Variants in CXCL13 observed in about 807,000 individuals in gnomAD.
CXCL13 encodes the protein C-X-C motif chemokine 13.
A neutral mutation model predicts 12.2 loss-of-function variants in CXCL13; 7 were observed. That is an observed-to-expected ratio of 0.57 (90% CI 0.33 to 1.07). The LOEUF is 1.07. CXCL13 is among the 50% of genes least tolerant of loss of function. The pLI is 0.04. For synonymous variants in CXCL13, 47 were observed against 42.4 expected, an observed-to-expected ratio of 1.11 and a Z score of -0.42; for missense variants, 113 against 127.4, an observed-to-expected ratio of 0.89 and a Z score of 0.55.
upstream of CXCL13, among the ~76,000 whole-genome samples, chr4:77,601,440 T>C (rs1175639227): frequency 6.6e-6 from 1 of 152,162 alleles, no homozygotes; most frequent in African/African-American, 2.4e-5. Context: ...AAACACCCCC[T>C]GTGTAAAACT....
Position 77,582,115 on chromosome 4 carries a change from C to T in CXCL13, c.-42-23709C>T, listed in dbSNP as rs765713286. Among the ~76,000 whole-genome samples, 103 of 152,210 alleles carry T rather than the reference C, an allele frequency of 6.8e-4. 1 individual carries two copies. Among genetic ancestry groups the T allele is most frequent in the Non-Finnish European group, 8.2e-4 (56 of 68,014 alleles). ...CTCCTAATATAAAAATTTAAAAAGT[C>T]GGTGGAAAGTGGATTTTCTCTTGTT... is the stretch of plus-strand genomic sequence containing the variant. On this transcript the variant is annotated intron_variant, in intron 1 of 4. Transcript: ENST00000286758.
At chr4:77,594,036 G>A (rs985397347) in intron 1 of CXCL13, among the ~76,000 whole-genome samples, 32 of 152,356 alleles carry the variant, frequency 2.1e-4, no homozygotes, top group East Asian at 3.9e-4. Context: ...AAGCCATGCC[G>A]TAGTAGGCAA....
At chr4:77,597,560 T>C (rs752476094) in intron 1 of CXCL13, among the ~76,000 whole-genome samples, 1 of 152,150 alleles carries the variant, frequency 6.6e-6, no homozygotes, top group Non-Finnish European at 1.5e-5. Flanking sequence ...ATTATCCCTG[T>C]TTTAAGAGCT....
At chr4:77,517,969 T>A (rs1346842762) in intron 1 of CXCL13, among the ~76,000 whole-genome samples, 4 of 152,234 alleles carry the variant, frequency 2.6e-5, no homozygotes, top group Non-Finnish European at 5.9e-5. Flanking sequence ...CCACGTTTAG[T>A]GCTTCCTTCA....
At chr4:77,609,162 C>T (rs1431455620) in intron 2 of CXCL13, among the ~76,000 whole-genome samples, 1 of 152,202 alleles carries the variant, frequency 6.6e-6, no homozygotes, top group Non-Finnish European at 1.5e-5. Context: ...TATCTGAAAA[C>T]CCAACTGCTC....
chr4:77,576,943 C>T (rs1726211109), intron 1 of CXCL13, among the ~76,000 whole-genome samples: 1 of 152,124 alleles, frequency 6.6e-6, no homozygotes, highest in Admixed American at 6.5e-5. Flanking sequence ...ATTCCAGACT[C>T]ATTAGTTGTT....
chr4:77,536,414 A>G (rs1458863248), intron 1 of CXCL13, among the ~76,000 whole-genome samples: 1 of 152,168 alleles, frequency 6.6e-6, no homozygotes. Context: ...GCAGAGTTTA[A>G]TCACTAAGAG....
At chr4:77,572,638 A>C (rs950644797) in intron 1 of CXCL13, among the ~76,000 whole-genome samples, 3 of 151,948 alleles carry the variant, frequency 2.0e-5, no homozygotes, top group Non-Finnish European at 4.4e-5. Flanking sequence ...AAGTGTTGTT[A>C]GGATAAATTA....
At chr4:77,562,175 C>A (rs1260434056) in intron 1 of CXCL13, among the ~76,000 whole-genome samples, 19 of 145,870 alleles carry the variant, frequency 1.3e-4, no homozygotes, top group Non-Finnish European at 2.4e-4. Flanking sequence ...GCTGCCCCCA[C>A]CCCCCCATCA....
At chr4:77,522,334 T>C (rs1724622869) in intron 1 of CXCL13, among the ~76,000 whole-genome samples, 1 of 151,948 alleles carries the variant, frequency 6.6e-6, no homozygotes, top group Admixed American at 6.6e-5. Context: ...TCTTTGTAGG[T>C]CTCTAAGGAC....
chr4:77,582,617 A>G (rs959555129), intron 1 of CXCL13, among the ~76,000 whole-genome samples: 5 of 152,234 alleles, frequency 3.3e-5, no homozygotes, highest in Admixed American at 3.3e-4. Context: ...ATGAGTCTAG[A>G]TAAATCAGAC....
At chr4:77,552,125 T>C (rs1221202908) in intron 1 of CXCL13, among the ~76,000 whole-genome samples, 1 of 152,212 alleles carries the variant, frequency 6.6e-6, no homozygotes, top group Non-Finnish European at 1.5e-5. Context: ...GGAGAGGTAG[T>C]GTGATACTTT....
chr4:77,594,875 A>G (rs1313755887), intron 1 of CXCL13, among the ~76,000 whole-genome samples: 1 of 152,222 alleles, frequency 6.6e-6, no homozygotes, highest in Non-Finnish European at 1.5e-5. Flanking sequence ...CCTATGTAAC[A>G]AACTTGCACG....
At chr4:77,595,047 A>G (rs1050748611) in intron 1 of CXCL13, among the ~76,000 whole-genome samples, 3 of 152,270 alleles carry the variant, frequency 2.0e-5, no homozygotes, top group Non-Finnish European at 4.4e-5. Flanking sequence ...ATTTTCCAGA[A>G]AGCTGGTTGT....
chr4:77,558,282 T>C (rs1285978837), intron 1 of CXCL13, among the ~76,000 whole-genome samples: 1 of 152,230 alleles, frequency 6.6e-6, no homozygotes, highest in Non-Finnish European at 1.5e-5. Flanking sequence ...ACCTGTTATC[T>C]TGAAAAGGAA....
chr4:77,606,139 A>G (rs1726998822), intron 1 of CXCL13, among the ~76,000 whole-genome samples: 1 of 152,238 alleles, frequency 6.6e-6, no homozygotes, highest in African/African-American at 2.4e-5. Context: ...ATTTATAGCA[A>G]AAAGAGATAC....
intron 1 of CXCL13, among the ~76,000 whole-genome samples, chr4:77,607,067 G>A (rs1229494411): frequency 3.3e-5 from 5 of 152,226 alleles, no homozygotes; most frequent in Non-Finnish European, 1.5e-5. Flanking sequence ...TTTCTGAGAG[G>A]AAAGGGGAGG....
chr4:77,539,701 T>G (rs1725153732), intron 1 of CXCL13, among the ~76,000 whole-genome samples: 1 of 152,224 alleles, frequency 6.6e-6, no homozygotes, highest in South Asian at 2.1e-4. Context: ...TCCTGAGATC[T>G]TTTTGGGAAG....
chr4:77,591,272 C>T (rs1338562482), intron 1 of CXCL13, among the ~76,000 whole-genome samples: 1 of 152,008 alleles, frequency 6.6e-6, no homozygotes, highest in East Asian at 1.9e-4. Flanking sequence ...TGTTTCTCAG[C>T]CGGGCGCAGT....
Sources: allele counts gnomAD v4.1 joint callset (sites outside exome capture counted in the v4.1 genomes callset), GRCh38; gene constraint gnomAD v4.1.1; transcripts MANE v1.5; gene names NCBI Gene and HGNC (gene_info 2026-07-23, HGNC 2026-07-21).